USP10: variants seen among roughly 807,000 people sequenced by gnomAD.
USP10 encodes the protein ubiquitin carboxyl-terminal hydrolase 10.
Under a neutral mutation model 84.5 loss-of-function variants are expected in USP10, and 22 were observed. The observed-to-expected ratio is 0.26, with a 90% CI of 0.19 to 0.37. The LOEUF (loss-of-function observed/expected upper bound fraction) is 0.37. Ranked by LOEUF, USP10 falls within the 10% of genes least tolerant of loss-of-function variation. USP10 has a pLI of 1.00. For missense variants in USP10, 1,019 were observed against 998.9 expected (o/e 1.02, Z -0.27); for synonymous variants, 454 against 387.6 (o/e 1.17, Z -2.01).
intron 1 of USP10, among the ~76,000 whole-genome samples, chr16:84,716,008 C>T (rs897941049): frequency 6.6e-6 from 1 of 152,120 alleles, no homozygotes. Context: ...CCCTTTGGGT[C>T]GTCCCTCAAC....
chr16:84,739,671 A>G (rs1910394890), intron 2 of USP10, among the ~76,000 whole-genome samples: 1 of 152,206 alleles, frequency 6.6e-6, no homozygotes, highest in Non-Finnish European at 1.5e-5. Flanking sequence ...AATTTAAGTT[A>G]TTTTTGAGAT....
At position 84,715,921 on chromosome 16, in the gene USP10, A is replaced by T. The variant is rs554813976; in HGVS notation, c.21+15810A>T. Among the ~76,000 whole-genome samples the T allele has an allele frequency of 2.0e-5, 3 of 152,312 alleles. No individual in the cohort carries two copies. In the East Asian group the frequency reaches 5.8e-4, roughly 29 times the overall value. On this transcript the variant is annotated intron_variant, in intron 1 of 13. Coordinates refer to ENST00000219473, the MANE Select transcript of USP10 (RefSeq NM_005153.3). ...GCAGTTTCAGGCTTCACATTTGGGC[A>T]CAGCCTCCGTCACACCAGCCTGACC...
At chr16:84,708,162 A>T (rs1905793440) in intron 1 of USP10, among the ~76,000 whole-genome samples, 1 of 149,912 alleles carries the variant, frequency 6.7e-6, no homozygotes, top group African/African-American at 2.5e-5. Flanking sequence ...GTGTAAAAAG[A>T]GGTCTGGCTG....
At chr16:84,728,629 T>C (rs775628441) in intron 1 of USP10, among the ~76,000 whole-genome samples, 4 of 151,314 alleles carry the variant, frequency 2.6e-5, no homozygotes, top group African/African-American at 4.9e-5. Flanking sequence ...GTGTCCGGCC[T>C]CCTTTTGTAG....
chr16:84,773,361 G>A (rs1914648129), intron 12 of USP10, among the ~76,000 whole-genome samples: 1 of 152,096 alleles, frequency 6.6e-6, no homozygotes, highest in South Asian at 2.1e-4. Context: ...GAGGACACTG[G>A]GCCTCACTCC....
intron 3 of USP10, among the ~76,000 whole-genome samples, chr16:84,744,225 T>G (rs899394993): frequency 2.6e-5 from 4 of 152,208 alleles, no homozygotes; most frequent in African/African-American, 9.6e-5. Context: ...TTTAAGTCCC[T>G]AAGTTAGTTG....
chr16:84,734,404 G>T (rs1004867538), intron 2 of USP10, among the ~76,000 whole-genome samples: 2 of 152,132 alleles, frequency 1.3e-5, no homozygotes, highest in Non-Finnish European at 2.9e-5. Context: ...TTCTCTTCAC[G>T]TCTGCTGGCA....
intron 12 of USP10, among the ~76,000 whole-genome samples, chr16:84,774,939 G>C (rs1914841591): frequency 1.3e-5 from 2 of 152,222 alleles, no homozygotes; most frequent in African/African-American, 4.8e-5. Flanking sequence ...CGTTGCTCCT[G>C]TTTCTTTAGT....
chr16:84,754,368 T>G (rs1041912531), intron 4 of USP10, among the ~76,000 whole-genome samples: 7 of 152,154 alleles, frequency 4.6e-5, no homozygotes, highest in Non-Finnish European at 1.0e-4. Flanking sequence ...ATTTTCCAAG[T>G]CTGAAAAGGT....
At chr16:84,750,197 C>T (rs1911751523) in intron 4 of USP10, among the ~76,000 whole-genome samples, 2 of 152,044 alleles carry the variant, frequency 1.3e-5, no homozygotes, top group African/African-American at 4.8e-5. Context: ...CCCTTGAGGC[C>T]AGGAGTTCAA....
At chr16:84,774,472 GTTTTT>G in intron 12 of USP10, among the ~76,000 whole-genome samples, 1 of 118,008 alleles carries the variant, frequency 8.5e-6, no homozygotes, top group South Asian at 2.8e-4. Flanking sequence ...GTTTTGTTTT[GTTTTT>G]TTTTTGTTTG....
intron 12 of USP10, among the ~76,000 whole-genome samples, chr16:84,773,145 T>C (rs1914626783): frequency 6.6e-6 from 1 of 152,192 alleles, no homozygotes; most frequent in Non-Finnish European, 1.5e-5. Flanking sequence ...CTCAAGTCTC[T>C]GTCAGGTCAC....
intron 8 of USP10, among the ~76,000 whole-genome samples, chr16:84,761,739 A>G (rs1913229194): frequency 2.0e-5 from 3 of 152,272 alleles, no homozygotes; most frequent in Admixed American, 6.5e-5. Context: ...TGCTTGCGCA[A>G]ACGGTTTAGG....
At chr16:84,706,590 G>A (rs1905547645) in intron 1 of USP10, among the ~76,000 whole-genome samples, 1 of 150,396 alleles carries the variant, frequency 6.6e-6, no homozygotes, top group Non-Finnish European at 1.5e-5. Flanking sequence ...ACCCAGGCTG[G>A]AGTGCAGTGG....
At chr16:84,749,744 A>G (rs1911682517) in intron 4 of USP10, among the ~76,000 whole-genome samples, 1 of 152,232 alleles carries the variant, frequency 6.6e-6, no homozygotes, top group African/African-American at 2.4e-5. Flanking sequence ...AAGAAGGCAG[A>G]TGGACTAAAA....
At chr16:84,742,525 G>C (rs978160412) in intron 3 of USP10, among the ~76,000 whole-genome samples, 9 of 152,186 alleles carry the variant, frequency 5.9e-5, no homozygotes, top group African/African-American at 1.9e-4. Context: ...TGCATGTACT[G>C]CAGTGAGCAG....
rs1913555892 is a variant in USP10, at chr16:84,764,197, C to T, written c.1766C>T (p.Thr589Ile). The T allele has an allele frequency of 6.2e-7, 1 of 1,614,058 alleles. No homozygotes were observed. Among genetic ancestry groups the T allele is most frequent in the Non-Finnish European group, 8.5e-7 (1 of 1,179,902 alleles). The change falls in exon 10 of 14, where the codon ACT (threonine) becomes ATT (isoleucine). Residue 589 changes from threonine (T) to isoleucine (I), a missense_variant. Physicochemically the swap from Thr to Ile is moderately conservative, Grantham distance 89. Coordinates refer to ENST00000219473, the MANE Select transcript of USP10 (RefSeq NM_005153.3). Reference protein sequence around the residue: ...EWEQVGPRNKTSVTRQADFVQ... With the variant: ...EWEQVGPRNKISVTRQADFVQ... The stretch of plus-strand genomic sequence containing the variant: ...GAACAAGTGGGCCCCCGGAACAAGA[C>T]TTCCGTCACCCGCCAGGCGGATTTT...
At chr16:84,762,493 C>G (rs922349136) in intron 8 of USP10, among the ~76,000 whole-genome samples, 1 of 152,132 alleles carries the variant, frequency 6.6e-6, no homozygotes, top group Non-Finnish European at 1.5e-5. Context: ...GAGTTTGAGA[C>G]CAGCCTGGCC....
Position 84,778,891 on chromosome 16 carries a change from C to G in USP10, c.2210-4C>G, listed in dbSNP as rs760637755. On this transcript the variant is annotated splice_region_variant and splice_polypyrimidine_tract_variant and intron_variant, in intron 13 of 13. Transcript: ENST00000219473. ...ACTCTGCTGCCTGCTGGGCTCTCTT[C>G]CAGTGGTCTACCATCACGGCAACAG... The G allele has an allele frequency of 2.5e-6, 4 of 1,611,924 alleles. No individual in the cohort carries two copies. Among genetic ancestry groups the G allele is most frequent in the Non-Finnish European group, 3.4e-6 (4 of 1,178,830 alleles).
Sources: allele counts gnomAD v4.1 joint callset (sites outside exome capture counted in the v4.1 genomes callset), GRCh38; gene constraint gnomAD v4.1.1; transcripts MANE v1.5; gene names NCBI Gene and HGNC (gene_info 2026-07-23, HGNC 2026-07-21).